CAMK4: variants seen among roughly 807,000 people sequenced by gnomAD.
The protein encoded by CAMK4 is calcium/calmodulin-dependent protein kinase type IV.
CAMK4 carries 22 observed loss-of-function variants against 44.9 expected under a neutral mutation model. That is an observed-to-expected ratio of 0.49 (90% CI 0.35 to 0.70). The LOEUF (loss-of-function observed/expected upper bound fraction) is 0.70. Ranked by LOEUF, CAMK4 falls within the 30% of genes least tolerant of loss-of-function variation. CAMK4 has a pLI of 0.01. For synonymous variants in CAMK4, 218 were observed against 215.4 expected, an observed-to-expected ratio of 1.01 and a Z score of -0.11; for missense variants, 498 against 586.8, an observed-to-expected ratio of 0.85 and a Z score of 1.56.
chr5:111,315,139 G>A (rs1375481794), intron 1 of CAMK4, among the ~76,000 whole-genome samples: 1 of 152,090 alleles, frequency 6.6e-6, no homozygotes, highest in African/African-American at 2.4e-5. Context: ...ATTTGGATGT[G>A]CTTTTGGCAG....
intron 1 of CAMK4, among the ~76,000 whole-genome samples, chr5:111,337,955 C>T (rs1749477642): frequency 6.6e-6 from 1 of 151,140 alleles, no homozygotes; most frequent in Non-Finnish European, 1.5e-5. Flanking sequence ...AAAGGATAAT[C>T]CAATCTGTGT....
intron 5 of CAMK4, among the ~76,000 whole-genome samples, chr5:111,426,917 C>T (rs1400595851): frequency 6.6e-6 from 1 of 152,180 alleles, no homozygotes; most frequent in Non-Finnish European, 1.5e-5. Flanking sequence ...ACTTGCAAGG[C>T]AGTCTAGGCC....
chr5:111,435,369 T>C (rs904110528), intron 5 of CAMK4, among the ~76,000 whole-genome samples: 1 of 152,056 alleles, frequency 6.6e-6, no homozygotes. Context: ...TCTACTCTTA[T>C]TTTTTAATAT....
chr5:111,383,093 A>C (rs1751476769), intron 4 of CAMK4, among the ~76,000 whole-genome samples: 1 of 152,220 alleles, frequency 6.6e-6, no homozygotes, highest in South Asian at 2.1e-4. Context: ...GAAGTTTATT[A>C]TTTTAAGCTG....
At chr5:111,259,676 C>T (rs936167696) in intron 1 of CAMK4, among the ~76,000 whole-genome samples, 11 of 152,168 alleles carry the variant, frequency 7.2e-5, no homozygotes, top group Admixed American at 2.0e-4. Flanking sequence ...GTATCTCCTA[C>T]ATGTTCTGGT....
chr5:111,245,942 A>G (rs3898862), intron 1 of CAMK4, among the ~76,000 whole-genome samples: 1 of 152,020 alleles, frequency 6.6e-6, no homozygotes, highest in Non-Finnish European at 1.5e-5. Flanking sequence ...TTCTTCTATA[A>G]CCATTTATAG....
intron 4 of CAMK4, among the ~76,000 whole-genome samples, chr5:111,378,480 T>G (rs1751297364): frequency 6.6e-6 from 1 of 152,132 alleles, no homozygotes; most frequent in South Asian, 2.1e-4. Flanking sequence ...CATTACCCAG[T>G]GAAAATTTGG....
chr5:111,235,745 G>A (rs73230463), intron 1 of CAMK4, among the ~76,000 whole-genome samples: 1 of 152,240 alleles, frequency 6.6e-6, no homozygotes, highest in Non-Finnish European at 1.5e-5. Context: ...TGTTGGGATT[G>A]GGGGAAGTGG....
intron 2 of CAMK4, among the ~76,000 whole-genome samples, chr5:111,354,912 A>T (rs1169178031): frequency 1.3e-5 from 2 of 152,118 alleles, no homozygotes; most frequent in Non-Finnish European, 2.9e-5. Context: ...CTTTGGAAAC[A>T]TGGAAAACTG....
chr5:111,265,009 C>A (rs1455052647), intron 1 of CAMK4, among the ~76,000 whole-genome samples: 1 of 152,074 alleles, frequency 6.6e-6, no homozygotes, highest in Non-Finnish European at 1.5e-5. Context: ...TCCCCTTCCT[C>A]CGAGACACCC....
chr5:111,236,648 C>G (rs908089323), intron 1 of CAMK4, among the ~76,000 whole-genome samples: 9 of 152,222 alleles, frequency 5.9e-5, no homozygotes, highest in Non-Finnish European at 1.2e-4. Flanking sequence ...AAATGTGCCT[C>G]TCCTATGAAT....
chr5:111,389,900 G>A (rs3797750), intron 4 of CAMK4, among the ~76,000 whole-genome samples: 55,140 of 151,520 alleles, frequency 0.36, 11,026 homozygotes, highest in South Asian at 0.51. Flanking sequence ...CAAAATCCAC[G>A]TTTAGAGTAA....
At chr5:111,420,901 G>T (rs1469537989) in intron 5 of CAMK4, among the ~76,000 whole-genome samples, 1 of 152,116 alleles carries the variant, frequency 6.6e-6, no homozygotes, top group East Asian at 1.9e-4. Flanking sequence ...ATGCTGTACA[G>T]TTTGTGCAGT....
At chr5:111,267,602 G>A (rs1308972151) in intron 1 of CAMK4, among the ~76,000 whole-genome samples, 1 of 151,456 alleles carries the variant, frequency 6.6e-6, no homozygotes, top group African/African-American at 2.4e-5. Context: ...TACTCGGGAG[G>A]CTGAGGCAGG....
Position 111,405,481 on chromosome 5 carries a change from C to CA in CAMK4, c.459+10708dup, listed in dbSNP as rs577778358. Among the ~76,000 whole-genome samples the CA allele has an allele frequency of 8.6e-3, 1,285 of 149,432 alleles. 19 individuals are homozygous for CA. Among genetic ancestry groups the CA allele is most frequent in the African/African-American group, 0.029 (1,167 of 40,784 alleles). On this transcript the variant is annotated intron_variant, in intron 5 of 10. Transcript: ENST00000282356. The stretch of plus-strand genomic sequence containing the variant: ...GACTGCGTCTCAAAACAAAACAAAA[C>CA]AAAAAAAAAGACGAAGTTTATTGTT...
chr5:111,274,135 A>G (rs1750659746), intron 1 of CAMK4, among the ~76,000 whole-genome samples: 1 of 151,970 alleles, frequency 6.6e-6, no homozygotes, highest in African/African-American at 2.4e-5. Flanking sequence ...TTGACTGAGA[A>G]GCTCCAGTCC....
At chr5:111,346,625 A>T (rs1448987015) in intron 2 of CAMK4, among the ~76,000 whole-genome samples, 1 of 151,892 alleles carries the variant, frequency 6.6e-6, no homozygotes, top group East Asian at 1.9e-4. Flanking sequence ...ACAATTGTGG[A>T]GGCAAGAAGT....
intron 1 of CAMK4, among the ~76,000 whole-genome samples, chr5:111,303,683 C>G (rs1260075895): frequency 6.8e-6 from 1 of 146,094 alleles, no homozygotes; most frequent in Non-Finnish European, 1.5e-5. Flanking sequence ...AGGATATTAT[C>G]CAGGAGAACT....
intron 8 of CAMK4, among the ~76,000 whole-genome samples, chr5:111,475,263 A>T (rs62371307): frequency 0.011 from 1,709 of 152,322 alleles, 11 homozygotes; most frequent in South Asian, 0.027. Flanking sequence ...GTTTGCCCCT[A>T]AAGTATAAAT....
Sources: gnomAD v4.1 joint callset for allele counts (sites outside exome capture counted in the v4.1 genomes callset) on GRCh38, gnomAD v4.1.1 for gene constraint, MANE v1.5 for transcripts, NCBI Gene and HGNC (gene_info 2026-07-23, HGNC 2026-07-21) for gene names.